PPHLN1: variants seen among roughly 807,000 people sequenced by gnomAD.
PPHLN1 encodes the protein periphilin 1.
A neutral mutation model predicts 51.3 loss-of-function variants in PPHLN1; 29 were observed. The ratio of observed to expected loss-of-function variants is 0.57; its 90% CI spans 0.42 to 0.77. PPHLN1 has a LOEUF of 0.77. PPHLN1 is among the 30% of genes least tolerant of loss of function. The pLI is 0.00. For missense variants in PPHLN1, 436 were observed against 438.4 expected (o/e 0.99, Z 0.05); for synonymous variants, 147 against 147.8 (o/e 0.99, Z 0.04).
chr12:42,363,415 A>G (rs542422948), intron 4 of PPHLN1, among the ~76,000 whole-genome samples: 4 of 151,136 alleles, frequency 2.6e-5, no homozygotes, highest in Admixed American at 6.6e-5. Context: ...CCACAGGCCT[A>G]TTACTGGCAG....
At chr12:42,433,103 T>C in intron 9 of PPHLN1, 1 of 781,500 alleles carries the variant, frequency 1.3e-6, no homozygotes. Flanking sequence ...GCCAAAGTTG[T>C]TCAAATGTGA....
intron 9 of PPHLN1, among the ~76,000 whole-genome samples, chr12:42,426,224 ACACACC>A (rs1296426376): frequency 4.9e-5 from 6 of 122,224 alleles, no homozygotes; most frequent in African/African-American, 1.6e-4. Flanking sequence ...ACACACACAC[ACACACC>A]CTCATGCATT....
chr12:42,330,729 A>C (rs1345978366), intron 1 of PPHLN1, among the ~76,000 whole-genome samples: 5 of 152,096 alleles, frequency 3.3e-5, no homozygotes, highest in Non-Finnish European at 7.4e-5. Flanking sequence ...TTTGTTTTTG[A>C]GATGGAGTCT....
chr12:42,417,612 A>G (rs2080510047), intron 9 of PPHLN1, among the ~76,000 whole-genome samples: 1 of 152,190 alleles, frequency 6.6e-6, no homozygotes, highest in African/African-American at 2.4e-5. Context: ...TAGAAAGGCA[A>G]ACCGGATTAT....
chr12:42,368,249 T>G (rs1381931310), intron 4 of PPHLN1, among the ~76,000 whole-genome samples: 3 of 152,152 alleles, frequency 2.0e-5, no homozygotes, highest in Non-Finnish European at 2.9e-5. Context: ...TGGGGGATCT[T>G]TTTATTCTGT....
chr12:42,329,395 G>A (rs747556554), intron 1 of PPHLN1, among the ~76,000 whole-genome samples: 25 of 152,210 alleles, frequency 1.6e-4, no homozygotes, highest in East Asian at 7.7e-4. Context: ...GTGAGCCACC[G>A]CGCCCGGCCT....
At chr12:42,335,755 C>A in intron 1 of PPHLN1, 128 bp from the exon 2 acceptor site, 3 of 321,432 alleles carry the variant, frequency 9.3e-6, no homozygotes, top group Non-Finnish European at 1.1e-5. Flanking sequence ...CTTTTGGTCA[C>A]TTTCATTTTT....
chr12:42,418,038 C>T (rs1223463259), intron 9 of PPHLN1, among the ~76,000 whole-genome samples: 1 of 138,056 alleles, frequency 7.2e-6, no homozygotes, highest in East Asian at 2.2e-4. Context: ...CTCCTGGGTT[C>T]ACGCCATTCT....
chr12:42,344,621 A>C (rs1312848500), intron 2 of PPHLN1, among the ~76,000 whole-genome samples: 1 of 152,170 alleles, frequency 6.6e-6, no homozygotes, highest in Non-Finnish European at 1.5e-5. Context: ...AATTTTAATG[A>C]CATATTGGAA....
At chr12:42,346,564 T>C (rs1378567904) in intron 2 of PPHLN1, among the ~76,000 whole-genome samples, 1 of 152,206 alleles carries the variant, frequency 6.6e-6, no homozygotes, top group East Asian at 1.9e-4. Flanking sequence ...TGTGAATATC[T>C]TGAACAGGTG....
chr12:42,429,130 A>T (rs182680104), intron 9 of PPHLN1, among the ~76,000 whole-genome samples: 3 of 152,182 alleles, frequency 2.0e-5, no homozygotes, highest in Admixed American at 2.0e-4. Flanking sequence ...TGTGTTCATT[A>T]TGAATATTTT....
At chr12:42,431,268 A>G (rs1484132691) in intron 9 of PPHLN1, among the ~76,000 whole-genome samples, 3 of 152,226 alleles carry the variant, frequency 2.0e-5, no homozygotes, top group Non-Finnish European at 2.9e-5. Context: ...ACTGCATTTT[A>G]TTCTAGTTTT....
At chr12:42,442,633 T>TCGGC, downstream of PPHLN1, 1 of 1,613,956 alleles carries the variant, frequency 6.2e-7, no homozygotes, top group Non-Finnish European at 8.5e-7. Flanking sequence ...ATCCGGTCGC[T>TCGGC]CGGCCAGAGT....
At chr12:42,426,172 CCACACACACA>C (rs71084653) in intron 9 of PPHLN1, among the ~76,000 whole-genome samples, 2,903 of 122,150 alleles carry the variant, frequency 0.024, 38 homozygotes, top group East Asian at 0.042. Flanking sequence ...AGACTTGACA[CCACACACACA>C]CACACACACA....
At chr12:42,406,050 C>T (rs1237600325) in intron 9 of PPHLN1, among the ~76,000 whole-genome samples, 2 of 151,172 alleles carry the variant, frequency 1.3e-5, no homozygotes, top group Non-Finnish European at 2.9e-5. Context: ...TTCAAGGTAA[C>T]TACTAAATTG....
chr12:42,433,469 C>G (rs75208648), intron 9 of PPHLN1: 3,759 of 245,464 alleles, frequency 0.015, 164 homozygotes, highest in African/African-American at 0.083. Context: ...ACTACAGGTG[C>G]CCACCACCAT....
intron 9 of PPHLN1, among the ~76,000 whole-genome samples, chr12:42,425,545 C>T (rs1271523549): frequency 6.6e-6 from 1 of 151,086 alleles, no homozygotes; most frequent in African/African-American, 2.4e-5. Context: ...TGCCACCATG[C>T]TCAGTTAATT....
chr12:42,350,147 G>C (rs1440274249), intron 2 of PPHLN1: 2 of 150,314 alleles, frequency 1.3e-5, no homozygotes, highest in Non-Finnish European at 3.0e-5. Flanking sequence ...GCTGCCGGGC[G>C]GGGGCGCCCC....
chr12:42,383,910 G>C (rs908041383), intron 5 of PPHLN1, among the ~76,000 whole-genome samples: 1 of 150,842 alleles, frequency 6.6e-6, no homozygotes, highest in Non-Finnish European at 1.5e-5. Context: ...CTTGAACCCG[G>C]GGGGCGGAGG....
Sources: allele counts gnomAD v4.1 joint callset (sites outside exome capture counted in the v4.1 genomes callset), GRCh38; gene constraint gnomAD v4.1.1; transcripts MANE v1.5; gene names NCBI Gene and HGNC (gene_info 2026-07-23, HGNC 2026-07-21).